MRTFA: variants seen among roughly 807,000 people sequenced by gnomAD.
MRTFA encodes myocardin-related transcription factor A.
In MRTFA, 20 loss-of-function variants were observed where a neutral mutation model predicts 83.5. The observed-to-expected ratio is 0.24, with a 90% CI of 0.17 to 0.35. MRTFA has a LOEUF of 0.35. Among genes scored for constraint, MRTFA ranks in the 10% least tolerant of loss-of-function variants. The pLI is 1.00. For missense variants in MRTFA, 1,200 were observed against 1,224.7 expected (o/e 0.98, Z 0.30); for synonymous variants, 659 against 541.2 (o/e 1.22, Z -3.02).
intron 3 of MRTFA, among the ~76,000 whole-genome samples, chr22:40,485,564 A>C (rs2054162140): frequency 6.6e-6 from 1 of 152,148 alleles, no homozygotes; most frequent in South Asian, 2.1e-4. Flanking sequence ...ATCACACCTA[A>C]ATTTCCTTTA....
chr22:40,578,783 T>C (rs1392602274), intron 2 of MRTFA, among the ~76,000 whole-genome samples: 1 of 151,900 alleles, frequency 6.6e-6, no homozygotes, highest in South Asian at 2.1e-4. Context: ...ATTAGCTAGG[T>C]GTGGTGGCAC....
intron 6 of MRTFA, among the ~76,000 whole-genome samples, chr22:40,430,860 CAAAAAA>C (rs1171650702): frequency 2.8e-5 from 1 of 35,118 alleles, no homozygotes; most frequent in Non-Finnish European, 5.3e-5. Flanking sequence ...GACTCCATCA[CAAAAAA>C]AAAAAAAAAA....
chr22:40,602,915 G>A lies in MRTFA; in HGVS notation c.-83-8180C>T, dbSNP rs114203112. ...TTCATTTCTTCTTCACAAAAAACTG[G>A]CATCACAAGAAAGCACAGTTCTAGT... On this transcript the variant is annotated intron_variant, in intron 1 of 14. Coordinates refer to ENST00000355630, the MANE Select transcript of MRTFA (RefSeq NM_020831.6). 3.7e-3 allele frequency among the ~76,000 whole-genome samples: 558 copies of A among 152,158 alleles called. 5 individuals are homozygous for A. The highest frequency in any genetic ancestry group is 0.013 in the African/African-American group (535 of 41,514).
intron 3 of MRTFA, among the ~76,000 whole-genome samples, chr22:40,508,533 A>AAC (rs2054617490): frequency 1.3e-5 from 2 of 151,002 alleles, no homozygotes; most frequent in South Asian, 4.2e-4. Context: ...AAAAAAAAAA[A>AAC]AAAAAAAGGA....
chr22:40,594,967 G>C (rs999499706), intron 1 of MRTFA, among the ~76,000 whole-genome samples: 1 of 150,258 alleles, frequency 6.7e-6, no homozygotes, highest in Non-Finnish European at 1.5e-5. Flanking sequence ...CTATATGCTA[G>C]ATACTGTTGC....
At position 40,419,337 on chromosome 22, in the gene MRTFA, C is replaced by T. The variant is rs369857654; in HGVS notation, c.1401G>A (p.Ser467=). The change falls in exon 12 of 15, where the codon TCG becomes TCA. Residue 467 remains serine (S), a synonymous_variant. Transcript: ENST00000355630. ...GCTCAATCAGCTCAGTTTTGGTGCC[C>T]GAGACAGGCAGTGATCGCAACTTCA... 47 of 1,613,918 alleles carry T rather than the reference C, an allele frequency of 2.9e-5. No individual in the cohort carries two copies. The highest frequency in any genetic ancestry group is 3.8e-5 in the Non-Finnish European group (45 of 1,179,996).
chr22:40,626,412 T>C (rs1315367692), intron 1 of MRTFA, among the ~76,000 whole-genome samples: 2 of 152,120 alleles, frequency 1.3e-5, no homozygotes, highest in Non-Finnish European at 2.9e-5. Context: ...ACGCCTCAAG[T>C]TTCCAGAGTA....
chr22:40,609,265 T>G (rs1328363962), intron 1 of MRTFA, among the ~76,000 whole-genome samples: 1 of 146,754 alleles, frequency 6.8e-6, no homozygotes, highest in African/African-American at 2.5e-5. Context: ...CACTCCAGCC[T>G]GGGTGACAGA....
At position 40,603,026 on chromosome 22, in the gene MRTFA, C is replaced by T. The variant is rs571271525; in HGVS notation, c.-83-8291G>A. ...TATTTGCTGAAAAAATAGTGCCTTC[C>T]CTTCCTCCAGAAAATTTTATGTACA... On this transcript the variant is annotated intron_variant, in intron 1 of 14. Coordinates refer to ENST00000355630, the MANE Select transcript of MRTFA (RefSeq NM_020831.6). Among the ~76,000 whole-genome samples, 156 of 152,260 alleles carry T rather than the reference C, an allele frequency of 1.0e-3. 1 individual carries two copies. The Middle Eastern group carries it at 0.014, about 13-fold the overall frequency.
At chr22:40,579,682 A>G (rs1219509153) in intron 2 of MRTFA, among the ~76,000 whole-genome samples, 1 of 152,106 alleles carries the variant, frequency 6.6e-6, no homozygotes, top group Non-Finnish European at 1.5e-5. Context: ...CAACATGGTG[A>G]AACCCCGTCT....
chr22:40,485,903 G>T lies in MRTFA; in HGVS notation c.242-22617C>A, dbSNP rs192500821. Among the ~76,000 whole-genome samples, 25 of 152,300 alleles carry T rather than the reference G, an allele frequency of 1.6e-4. No individual in the cohort carries two copies. The East Asian group carries it at 4.8e-3, about 29-fold the overall frequency. On this transcript the variant is annotated intron_variant, in intron 3 of 14. Coordinates refer to ENST00000355630, the MANE Select transcript of MRTFA (RefSeq NM_020831.6). ...TAAGGCATCTCCCTCAACTGGGAAG[G>T]ACCAAATGCTACATGAAATGCATGT...
At chr22:40,631,866 C>T (rs73169097) in intron 1 of MRTFA, among the ~76,000 whole-genome samples, 15,072 of 152,230 alleles carry the variant, frequency 0.099, 898 homozygotes, top group East Asian at 0.25. Context: ...TCTGAGTCCT[C>T]CCCTCTCCCC....
At chr22:40,469,674 A>T (rs2053866788) in intron 3 of MRTFA, among the ~76,000 whole-genome samples, 1 of 152,214 alleles carries the variant, frequency 6.6e-6, no homozygotes. Context: ...ACTCTTTTCA[A>T]GCACACATGG....
At chr22:40,513,219 A>G (rs957567688) in intron 3 of MRTFA, among the ~76,000 whole-genome samples, 5 of 152,236 alleles carry the variant, frequency 3.3e-5, no homozygotes, top group Non-Finnish European at 5.9e-5. Context: ...AAACCTTAGA[A>G]GTATTCTGAG....
At chr22:40,435,408 A>G in intron 5 of MRTFA, 91 bp downstream of exon 5, 2 of 1,399,974 alleles carry the variant, frequency 1.4e-6, no homozygotes. Context: ...TCAGAGTTCT[A>G]TGGAAAGCTC....
chr22:40,589,885 G>A (rs1461749993), intron 2 of MRTFA, among the ~76,000 whole-genome samples: 2 of 152,042 alleles, frequency 1.3e-5, no homozygotes, highest in African/African-American at 4.8e-5. Flanking sequence ...AGCCAGGCAT[G>A]GTGGCACACA....
intron 14 of MRTFA, among the ~76,000 whole-genome samples, chr22:40,413,665 G>T (rs191048842): frequency 6.6e-6 from 1 of 152,052 alleles, no homozygotes; most frequent in Non-Finnish European, 1.5e-5. Flanking sequence ...GGATGGTCTC[G>T]ATCTCCTGAC....
chr22:40,489,186 G>T (rs143645772), intron 3 of MRTFA, among the ~76,000 whole-genome samples: 178 of 152,232 alleles, frequency 1.2e-3, no homozygotes, highest in Middle Eastern at 6.8e-3. Flanking sequence ...TTACAAGGAA[G>T]AATGATCTTT....
chr22:40,527,857 A>C (rs2055004862), intron 3 of MRTFA, among the ~76,000 whole-genome samples: 1 of 152,088 alleles, frequency 6.6e-6, no homozygotes, highest in African/African-American at 2.4e-5. Flanking sequence ...GCACTGTTTT[A>C]ATAAAGCTAA....
Sources: gnomAD v4.1 joint callset for allele counts (sites outside exome capture counted in the v4.1 genomes callset) on GRCh38, gnomAD v4.1.1 for gene constraint, MANE v1.5 for transcripts, NCBI Gene and HGNC (gene_info 2026-07-23, HGNC 2026-07-21) for gene names.